ADARB2: variants seen among roughly 807,000 people sequenced by gnomAD.
ADARB2 encodes the protein adenosine deaminase RNA specific B2 (inactive).
A neutral mutation model predicts 62.2 loss-of-function variants in ADARB2; 25 were observed. The ratio of observed to expected loss-of-function variants is 0.40; its 90% CI spans 0.29 to 0.56. The LOEUF (loss-of-function observed/expected upper bound fraction) is 0.56. Ranked by LOEUF, ADARB2 falls within the 20% of genes least tolerant of loss-of-function variation. The pLI, the probability that ADARB2 is intolerant of heterozygous loss-of-function variation, is 0.43. For synonymous variants in ADARB2, 572 were observed against 500.8 expected, an observed-to-expected ratio of 1.14 and a Z score of -1.90; for missense variants, 1,071 against 1,077.4, an observed-to-expected ratio of 0.99 and a Z score of 0.08.
intron 1 of ADARB2, among the ~76,000 whole-genome samples, chr10:1,420,610 GGGAA>G (rs1349718579): frequency 7.3e-4 from 20 of 27,544 alleles, no homozygotes; most frequent in African/African-American, 1.7e-3. Context: ...TCCAGAAAGA[GGGAA>G]AAAAAAAAAA....
chr10:1,616,218 G>A (rs1287466359), intron 1 of ADARB2, among the ~76,000 whole-genome samples: 4 of 152,206 alleles, frequency 2.6e-5, no homozygotes, highest in African/African-American at 4.8e-5. Context: ...GAGGGTCCCA[G>A]TGGGAGTGTA....
intron 1 of ADARB2, among the ~76,000 whole-genome samples, chr10:1,390,593 T>C (rs546708919): frequency 5.4e-4 from 82 of 152,376 alleles, no homozygotes; most frequent in African/African-American, 1.9e-3. Context: ...AGATCTCTGC[T>C]AGGAAAGCAT....
intron 3 of ADARB2, among the ~76,000 whole-genome samples, chr10:1,332,885 C>T (rs745319063): frequency 3.3e-5 from 5 of 152,172 alleles, no homozygotes; most frequent in Admixed American, 6.5e-5. Context: ...GCAGAGTTAC[C>T]GTTTTCCCTC....
intron 1 of ADARB2, among the ~76,000 whole-genome samples, chr10:1,496,309 C>T (rs1212601810): frequency 9.1e-6 from 1 of 109,304 alleles, no homozygotes; most frequent in African/African-American, 2.7e-5. Context: ...TCATCAGTAT[C>T]AACATCATCA....
chr10:1,293,185 AAGAC>A (rs138930434), intron 3 of ADARB2, among the ~76,000 whole-genome samples: 61,246 of 95,314 alleles, frequency 0.64, 20,109 homozygotes, highest in Non-Finnish European at 0.69. Context: ...GGGGGAGAGA[AAGAC>A]AGGAATAGAA....
chr10:1,214,261 G>C lies in ADARB2; in HGVS notation c.1682+2690C>G, dbSNP rs962054217. Among the ~76,000 whole-genome samples, 34 of 150,406 alleles carry C rather than the reference G, an allele frequency of 2.3e-4. 1 individual carries two copies. The highest frequency in any genetic ancestry group is 8.1e-4 in the African/African-American group (33 of 40,926). On this transcript the variant is annotated intron_variant, in intron 7 of 9. Transcript: ENST00000381312. ...GTGCCTGGACCTGCCAGCGTTGCAT[G>C]GGTTTGCCCCTGTGCCTGGACCTTC...
intron 7 of ADARB2, among the ~76,000 whole-genome samples, chr10:1,210,329 C>T (rs773259561): frequency 6.6e-6 from 1 of 152,224 alleles, no homozygotes; most frequent in Non-Finnish European, 1.5e-5. Flanking sequence ...AGACATTAAT[C>T]TCATGGCTGC....
intron 8 of ADARB2, among the ~76,000 whole-genome samples, chr10:1,190,448 A>T (rs987951099): frequency 5.9e-5 from 9 of 152,350 alleles, no homozygotes; most frequent in South Asian, 4.1e-4. Context: ...TGCACAGAAA[A>T]TTGTACTTTT....
intron 1 of ADARB2, among the ~76,000 whole-genome samples, chr10:1,572,536 A>T (rs1055721981): frequency 1.3e-5 from 2 of 152,192 alleles, no homozygotes; most frequent in Non-Finnish European, 2.9e-5. Context: ...TAGAAGAGAC[A>T]AGTGCCCAAG....
chr10:1,311,537 A>G (rs149338987), intron 3 of ADARB2, among the ~76,000 whole-genome samples: 2,246 of 152,258 alleles, frequency 0.015, 28 homozygotes, highest in Non-Finnish European at 0.021. Context: ...TTCCATGTTC[A>G]GATACTCTGA....
rs1589142913 is a variant in ADARB2 at position 1,178,933 on chromosome 10, T to C, written c.*4260A>G. On this transcript the variant is annotated 3_prime_UTR_variant, in exon 10 of 10. Transcript: ENST00000381312. ...GGAAAGCCTCTCAGCTTCCCTTTGG[T>C]CTCTGTTAGAAAGTGATACTTATTG... 1 of 152,200 alleles carries C rather than the reference T, an allele frequency of 6.6e-6. No individual in the cohort carries two copies. The highest frequency in any genetic ancestry group is 1.5e-5 in the Non-Finnish European group (1 of 68,040). The allele number at this position is 152,200 out of a possible 1,614,324, so 9.4% of individuals were successfully genotyped here.
At chr10:1,334,187 C>T (rs528278511) in intron 3 of ADARB2, among the ~76,000 whole-genome samples, 21 of 152,224 alleles carry the variant, frequency 1.4e-4, no homozygotes, top group African/African-American at 3.4e-4. Flanking sequence ...GAAGAAGCGG[C>T]GGGGTGGCCT....
intron 1 of ADARB2, among the ~76,000 whole-genome samples, chr10:1,500,059 C>T (rs1238658223): frequency 6.6e-6 from 1 of 152,202 alleles, no homozygotes; most frequent in Non-Finnish European, 1.5e-5. Flanking sequence ...TTAGGTATCA[C>T]TTGCTTTGTG....
At chr10:1,214,671 C>T (rs1165468068) in intron 7 of ADARB2, among the ~76,000 whole-genome samples, 1 of 152,156 alleles carries the variant, frequency 6.6e-6, no homozygotes, top group African/African-American at 2.4e-5. Flanking sequence ...TTCTGGGGCA[C>T]CAGAGAGTAA....
At chr10:1,611,696 T>C (rs941386925) in intron 1 of ADARB2, among the ~76,000 whole-genome samples, 1 of 150,654 alleles carries the variant, frequency 6.6e-6, no homozygotes, top group African/African-American at 2.5e-5. Context: ...ATTTTTGCCT[T>C]GTTGTAATTT....
chr10:1,359,088 C>T (rs1023618836), intron 3 of ADARB2, among the ~76,000 whole-genome samples: 2 of 152,114 alleles, frequency 1.3e-5, no homozygotes, highest in East Asian at 3.9e-4. Flanking sequence ...ATGATGATGC[C>T]TCCAGGTAGC....
At chr10:1,720,607 G>A (rs1426441701) in intron 1 of ADARB2, among the ~76,000 whole-genome samples, 1 of 152,168 alleles carries the variant, frequency 6.6e-6, no homozygotes, top group Non-Finnish European at 1.5e-5. Flanking sequence ...AAATCTAGGG[G>A]CAGTCTTTAT....
At chr10:1,364,195 C>A (rs1832293165) in intron 2 of ADARB2, among the ~76,000 whole-genome samples, 1 of 152,256 alleles carries the variant, frequency 6.6e-6, no homozygotes, top group African/African-American at 2.4e-5. Flanking sequence ...GTCTCACAAA[C>A]AGACAAGCGC....
intron 3 of ADARB2, among the ~76,000 whole-genome samples, chr10:1,357,358 G>A (rs1832205768): frequency 6.6e-6 from 1 of 152,088 alleles, no homozygotes; most frequent in Non-Finnish European, 1.5e-5. Context: ...AATGAGGGAG[G>A]TTGGTGGGCA....
Sources: allele counts gnomAD v4.1 joint callset (sites outside exome capture counted in the v4.1 genomes callset), GRCh38; gene constraint gnomAD v4.1.1; transcripts MANE v1.5; gene names NCBI Gene and HGNC (gene_info 2026-07-23, HGNC 2026-07-21).